The following COL25A1 variants were observed in gnomAD, a reference collection of about 807,000 sequenced individuals.
COL25A1 encodes collagen alpha-1(XXV) chain.
Under a neutral mutation model 128.4 loss-of-function variants are expected in COL25A1, and 103 were observed. That is an observed-to-expected ratio of 0.80 (90% confidence interval 0.68 to 0.94). COL25A1 has a LOEUF of 0.94. Ranked by LOEUF, COL25A1 falls within the 40% of genes least tolerant of loss-of-function variation. COL25A1 has a pLI of 0.00. For missense variants in COL25A1, 745 were observed against 840.0 expected (o/e 0.89, Z 1.40); for synonymous variants, 279 against 277.2 (o/e 1.01, Z -0.06).
At chr4:108,956,907 A>T (rs1750136450) in intron 8 of COL25A1, among the ~76,000 whole-genome samples, 1 of 152,232 alleles carries the variant, frequency 6.6e-6, no homozygotes, top group Admixed American at 6.5e-5. Flanking sequence ...TGGTATACTA[A>T]CATGGAATAA....
At chr4:109,230,486 T>TAA (rs1779094363) in intron 3 of COL25A1, among the ~76,000 whole-genome samples, 1 of 152,202 alleles carries the variant, frequency 6.6e-6, no homozygotes, top group Non-Finnish European at 1.5e-5. Flanking sequence ...TGTATTTTAT[T>TAA]AAAAATGTAT....
intron 3 of COL25A1, among the ~76,000 whole-genome samples, chr4:109,052,503 C>T (rs571848076): frequency 6.6e-6 from 1 of 152,228 alleles, no homozygotes; most frequent in South Asian, 2.1e-4. Context: ...GGAATCTAAA[C>T]TCTAATGAAT....
chr4:109,088,888 T>C (rs936906635), intron 3 of COL25A1, among the ~76,000 whole-genome samples: 1 of 152,198 alleles, frequency 6.6e-6, no homozygotes, highest in African/African-American at 2.4e-5. Flanking sequence ...TCAAGCAGTT[T>C]CCTCTGGGAG....
intron 6 of COL25A1, among the ~76,000 whole-genome samples, chr4:109,001,968 T>A (rs945427407): frequency 6.6e-6 from 1 of 152,138 alleles, no homozygotes; most frequent in African/African-American, 2.4e-5. Flanking sequence ...GTGCTCCACA[T>A]CACTAATCAT....
chr4:108,824,039 A>G (rs1218583068), intron 35 of COL25A1, 135 bp downstream of exon 35: 1 of 1,611,626 alleles, frequency 6.2e-7, no homozygotes, highest in Non-Finnish European at 8.5e-7. Flanking sequence ...CTGATTCCTT[A>G]AATCAGGCAT....
At chr4:109,265,403 T>C (rs991254641) in intron 3 of COL25A1, among the ~76,000 whole-genome samples, 35 of 152,316 alleles carry the variant, frequency 2.3e-4, no homozygotes, top group African/African-American at 7.7e-4. Flanking sequence ...TTCTCTTTAG[T>C]ATCTCTTTTC....
chr4:108,925,950 C>T (rs1746003322), intron 11 of COL25A1, among the ~76,000 whole-genome samples: 1 of 152,114 alleles, frequency 6.6e-6, no homozygotes, highest in African/African-American at 2.4e-5. Context: ...ATTACGCAAA[C>T]AGTAGATAGA....
At chr4:108,817,549 A>G in intron 36 of COL25A1, 114 bp from the exon 37 acceptor site, 1 of 865,508 alleles carries the variant, frequency 1.2e-6, no homozygotes, top group Non-Finnish European at 1.8e-6. Flanking sequence ...GACTTTGGTC[A>G]TGGGCATCTT....
chr4:109,162,459 C>T (rs1229107766), intron 3 of COL25A1, among the ~76,000 whole-genome samples: 1 of 152,176 alleles, frequency 6.6e-6, no homozygotes, highest in Non-Finnish European at 1.5e-5. Context: ...AAGACACCTG[C>T]AACTACTGTC....
intron 3 of COL25A1, among the ~76,000 whole-genome samples, chr4:109,273,864 C>G (rs1225615085): frequency 6.6e-6 from 1 of 152,084 alleles, no homozygotes; most frequent in East Asian, 1.9e-4. Context: ...TTAAATAAGA[C>G]AATTAATATG....
At position 109,243,426 on chromosome 4, in the gene COL25A1, T is replaced by TA. The variant is rs1265960729; in HGVS notation, c.367+57156dup. On this transcript the variant is annotated intron_variant, in intron 3 of 37. Transcript: ENST00000399132. Reference sequence around the variant, plus strand: ...AGGACCAGATAGTTACTCTTTATCCTAAAAAAAATTTTTTTTTTAAATCCA... The same window carrying TA: ...AGGACCAGATAGTTACTCTTTATCCTAAAAAAAAATTTTTTTTTTAAATCCA... Among the ~76,000 whole-genome samples, 7 of 151,780 alleles carry TA rather than the reference T, an allele frequency of 4.6e-5. No individual in the cohort carries two copies. In the East Asian group the frequency reaches 5.8e-4, roughly 13 times the overall value.
At chr4:108,859,588 G>C in intron 24 of COL25A1, 68 bp downstream of exon 24, 1 of 1,334,192 alleles carries the variant, frequency 7.5e-7, no homozygotes, top group Non-Finnish European at 1.1e-6. Context: ...GCTCATATTT[G>C]CACACATTAC....
At chr4:109,080,421 TAAG>T (rs960185791) in intron 3 of COL25A1, among the ~76,000 whole-genome samples, 1 of 152,070 alleles carries the variant, frequency 6.6e-6, no homozygotes, top group African/African-American at 2.4e-5. Context: ...TTAAATTACA[TAAG>T]AAGCAAGGGA....
intron 37 of COL25A1, among the ~76,000 whole-genome samples, chr4:108,816,136 G>A (rs1485094685): frequency 2.6e-5 from 4 of 152,178 alleles, no homozygotes; most frequent in African/African-American, 9.7e-5. Flanking sequence ...ATTTGACCCT[G>A]TGTGTGATCA....
intron 3 of COL25A1, among the ~76,000 whole-genome samples, chr4:109,088,431 T>G (rs1357389754): frequency 6.6e-6 from 1 of 152,218 alleles, no homozygotes; most frequent in Non-Finnish European, 1.5e-5. Context: ...AAATTGACAA[T>G]TTAGAATTGT....
At chr4:108,996,259 G>C (rs12512268) in intron 6 of COL25A1, among the ~76,000 whole-genome samples, 115,469 of 144,666 alleles carry the variant, frequency 0.8, 47,106 homozygotes, top group East Asian at 1. Context: ...TCAAAATAAA[G>C]GGATGGAGGA....
intron 13 of COL25A1, among the ~76,000 whole-genome samples, chr4:108,907,962 C>A (rs35652140): frequency 1.3e-5 from 2 of 151,858 alleles, no homozygotes; most frequent in African/African-American, 2.4e-5. Flanking sequence ...GTGTGTGGGG[C>A]TGAATCAAAT....
chr4:109,192,447 C>T (rs1775695100), intron 3 of COL25A1, among the ~76,000 whole-genome samples: 1 of 151,572 alleles, frequency 6.6e-6, no homozygotes, highest in African/African-American at 2.4e-5. Flanking sequence ...AAGTTCTAAC[C>T]CTCAGTACCT....
intron 11 of COL25A1, among the ~76,000 whole-genome samples, chr4:108,925,422 G>C (rs1745932320): frequency 6.6e-6 from 1 of 152,096 alleles, no homozygotes; most frequent in East Asian, 1.9e-4. Flanking sequence ...CATGCATATA[G>C]AAGGGGGAAG....
Sources: allele counts gnomAD v4.1 joint callset (sites outside exome capture counted in the v4.1 genomes callset), GRCh38; gene constraint gnomAD v4.1.1; transcripts MANE v1.5; gene names NCBI Gene and HGNC (gene_info 2026-07-23, HGNC 2026-07-21).